Variants in BAZ2B observed in about 807,000 individuals in gnomAD.
BAZ2B encodes the protein bromodomain adjacent to zinc finger domain protein 2B.
In BAZ2B, 91 loss-of-function variants were observed where a neutral mutation model predicts 246.0. The observed-to-expected ratio is 0.37, with a 90% CI of 0.31 to 0.44. The LOEUF (loss-of-function observed/expected upper bound fraction) is 0.44. Ranked by LOEUF, BAZ2B falls within the 20% of genes least tolerant of loss-of-function variation. BAZ2B has a pLI of 1.00. For missense variants in BAZ2B, 2,332 were observed against 2,533.7 expected (o/e 0.92, Z 1.71); for synonymous variants, 855 against 860.0 (o/e 0.99, Z 0.10).
At chr2:159,406,170 G>A (rs551082373) in intron 14 of BAZ2B, among the ~76,000 whole-genome samples, 82 of 152,324 alleles carry the variant, frequency 5.4e-4, no homozygotes, top group Admixed American at 1.1e-3. Flanking sequence ...TCAACCATGT[G>A]ATTTTCCATG....
chr2:159,458,435 C>T (rs2076045213), intron 3 of BAZ2B: 1 of 152,476 alleles, frequency 6.6e-6, no homozygotes, highest in Admixed American at 6.5e-5. Context: ...ACGCCATTCT[C>T]CTGCCTCAGC....
the BAZ2B span, among the ~76,000 whole-genome samples, chr2:159,683,104 C>A: frequency 2.0e-5 from 3 of 152,066 alleles, no homozygotes; most frequent in African/African-American, 7.3e-5. Flanking sequence ...ATACTTTCGA[C>A]AAATGTATAG....
At chr2:159,549,018 G>A (rs1326749199) in intron 2 of BAZ2B, among the ~76,000 whole-genome samples, 2 of 152,076 alleles carry the variant, frequency 1.3e-5, no homozygotes, top group Non-Finnish European at 2.9e-5. Flanking sequence ...GGTGGCTCAC[G>A]CCTGTAATCC....
At chr2:159,337,252 A>C (rs990102387) in intron 32 of BAZ2B, among the ~76,000 whole-genome samples, 175 bp from the exon 33 acceptor site, 1 of 152,232 alleles carries the variant, frequency 6.6e-6, no homozygotes, top group African/African-American at 2.4e-5. Flanking sequence ...CGTGCCTCAA[A>C]GCTTAGTCAC....
At chr2:159,397,608 A>G (rs1336407912) in intron 18 of BAZ2B, among the ~76,000 whole-genome samples, 2 of 152,186 alleles carry the variant, frequency 1.3e-5, no homozygotes, top group Non-Finnish European at 2.9e-5. Context: ...TATGGTAAAT[A>G]TGGTAGCAAG....
Position 159,348,822 on chromosome 2 carries a change from C to G in BAZ2B, c.5149G>C (p.Gly1717Arg). The G allele has an allele frequency of 6.3e-7, 1 of 1,596,378 alleles. No homozygotes were observed. Among genetic ancestry groups the G allele is most frequent in the Non-Finnish European group, 8.5e-7 (1 of 1,175,786 alleles). Residue 1717 changes from glycine to arginine, a missense_variant, in exon 30 of 37, where the codon GGT becomes CGT. Physicochemically the swap from Gly to Arg is moderately radical, Grantham distance 125. This residue lies in a region of BAZ2B where 676 missense variants were observed against 668.6 expected (regional missense o/e 1.01). Coordinates refer to ENST00000392783, the MANE Select transcript of BAZ2B (RefSeq NM_013450.4). ...PKPIPEEMQF[G>R]WWRIIDPEDL... ...TCTGGGTCAATAATTCTCCACCAAC[C>G]AAACTGCATTTCTAAGTCAAGATAA...
At chr2:159,412,900 C>G (rs2067050972) in intron 13 of BAZ2B, among the ~76,000 whole-genome samples, 4 of 152,160 alleles carry the variant, frequency 2.6e-5, no homozygotes, top group Non-Finnish European at 5.9e-5. Context: ...ATAGATTGCT[C>G]TTATGGGTTA....
chr2:159,385,484 TCA>T, intron 22 of BAZ2B, 115 bp from the exon 23 acceptor site: 1 of 836,700 alleles, frequency 1.2e-6, no homozygotes, highest in Admixed American at 3.3e-5. Flanking sequence ...AGAGCTTTAT[TCA>T]CTTTTTTTTT....
the BAZ2B span, among the ~76,000 whole-genome samples, chr2:159,669,425 T>C: frequency 6.6e-6 from 1 of 152,218 alleles, no homozygotes; most frequent in Non-Finnish European, 1.5e-5. Flanking sequence ...TATTTAGGTA[T>C]AGTATTCCAA....
chr2:159,403,045 C>T (rs546647614), intron 16 of BAZ2B, among the ~76,000 whole-genome samples: 6 of 152,176 alleles, frequency 3.9e-5, no homozygotes, highest in African/African-American at 1.4e-4. Flanking sequence ...GTGCCTCCTG[C>T]TTTGTAATAA....
intron 1 of BAZ2B, among the ~76,000 whole-genome samples, chr2:159,605,026 G>A (rs571092822): frequency 9.9e-5 from 15 of 151,340 alleles, no homozygotes; most frequent in African/African-American, 3.4e-4. Context: ...GTGTGTGCAT[G>A]CACAGGAGAG....
chr2:159,698,085 A>G, the BAZ2B span, among the ~76,000 whole-genome samples: 1 of 152,332 alleles, frequency 6.6e-6, no homozygotes, highest in South Asian at 2.1e-4. Context: ...TATCAGAATG[A>G]AAAGACTCCA....
intron 6 of BAZ2B, among the ~76,000 whole-genome samples, chr2:159,440,338 C>T (rs1037412380): frequency 2.6e-5 from 4 of 151,976 alleles, no homozygotes; most frequent in African/African-American, 7.3e-5. Flanking sequence ...TATGACTACT[C>T]GGGATTGGGG....
rs570394317 is a variant in BAZ2B at position 159,501,929 on chromosome 2, G to T, written c.-2-23208C>A. The stretch of plus-strand genomic sequence containing the variant: ...TAGCCCCAAAGCAAATAACCCAAAT[G>T]GCTATCAACTGATGAATGAATAAAT... On this transcript the variant is annotated intron_variant, in intron 2 of 36. Transcript: ENST00000392783. Among the ~76,000 whole-genome samples, 3 of 152,120 alleles carry T rather than the reference G, an allele frequency of 2.0e-5. No homozygotes were observed. In the South Asian group the frequency reaches 6.2e-4, roughly 32 times the overall value.
intron 6 of BAZ2B, chr2:159,444,144 T>G (rs755414016): frequency 6.6e-6 from 1 of 152,056 alleles, no homozygotes; most frequent in African/African-American, 2.4e-5. Flanking sequence ...AGCTCAGAGA[T>G]AGGACCTTAG....
At chr2:159,412,666 G>A (rs930414260) in intron 13 of BAZ2B, 121 bp from the exon 14 acceptor site, 73 of 859,028 alleles carry the variant, frequency 8.5e-5, no homozygotes, top group Non-Finnish European at 1.2e-4. Flanking sequence ...ATTAGTATAA[G>A]CTTTAGGAAT....
intron 1 of BAZ2B, among the ~76,000 whole-genome samples, chr2:159,595,089 G>A (rs145448328): frequency 1.2e-3 from 181 of 150,700 alleles, no homozygotes; most frequent in African/African-American, 3.9e-3. Context: ...TGATTACTAT[G>A]CATCCTTTTA....
intron 1 of BAZ2B, among the ~76,000 whole-genome samples, chr2:159,561,800 TA>T (rs1202771709): frequency 1.3e-5 from 2 of 152,208 alleles, no homozygotes; most frequent in East Asian, 3.8e-4. Context: ...TACATTTCAA[TA>T]AAACTGCTCC....
chr2:159,453,632 G>C lies in BAZ2B; in HGVS notation c.315C>G (p.Pro105=), dbSNP rs757423211. 6 of 1,608,812 alleles carry C rather than the reference G, an allele frequency of 3.7e-6. No individual in the cohort carries two copies. The South Asian group carries it at 6.7e-5, about 18-fold the overall frequency. ...GTTTACCTGGAAAAGATGCTAGTTG[G>C]GGATGTGCGGCTAAGGCTGTGGGTG... is the stretch of plus-strand genomic sequence containing the variant. The part of the protein sequence containing the change: ...LGTPTALAAH[P]QLASFPGAEW... The change falls in exon 4 of 37, where the codon CCC becomes CCG. Residue 105 remains proline (P), a synonymous_variant. Coordinates refer to ENST00000392783, the MANE Select transcript of BAZ2B (RefSeq NM_013450.4).
Sources: allele counts gnomAD v4.1 joint callset (sites outside exome capture counted in the v4.1 genomes callset), GRCh38; gene constraint gnomAD v4.1.1; regional missense constraint gnomAD v4.1.1; transcripts MANE v1.5; gene names NCBI Gene and HGNC (gene_info 2026-07-23, HGNC 2026-07-21).